RGS3: variants seen among roughly 807,000 people sequenced by gnomAD.
RGS3 encodes the protein regulator of G-protein signalling 3.
A neutral mutation model predicts 132.6 loss-of-function variants in RGS3; 80 were observed. That is an observed-to-expected ratio of 0.60 (90% confidence interval 0.50 to 0.73). RGS3 has a LOEUF of 0.73. Ranked by LOEUF, RGS3 falls within the 30% of genes least tolerant of loss-of-function variation. The pLI, the probability that RGS3 is intolerant of heterozygous loss-of-function variation, is 0.00. For missense variants in RGS3, 1,382 were observed against 1,530.8 expected, an observed-to-expected ratio of 0.90 and a Z score of 1.62; for synonymous variants, 598 against 620.6, an observed-to-expected ratio of 0.96 and a Z score of 0.54.
In RGS3 at chr9:113,514,657, G is replaced by A; in HGVS notation, c.1674+3G>A. 6.2e-7 allele frequency: 1 copy of A among 1,612,986 alleles called. No homozygotes were observed. The highest frequency in any genetic ancestry group is 8.5e-7 in the Non-Finnish European group (1 of 1,179,844). ...TGGTGTTCCCTGTCTTTGTTCAGGT[G>A]AGCCCGTGGCTGGTCTTAAAGGTTC... On this transcript the variant is annotated splice_donor_region_variant and intron_variant, in intron 15 of 24. Coordinates refer to ENST00000350696, the Ensembl canonical transcript of RGS3.
chr9:113,467,666 T>C (rs2119176176), intron 3 of RGS3, among the ~76,000 whole-genome samples: 1 of 152,340 alleles, frequency 6.6e-6, no homozygotes, highest in South Asian at 2.1e-4. Context: ...ATTTTCTCTC[T>C]ATCTGTGGGT....
At chr9:113,479,340 G>A in intron 3 of RGS3, 151 bp from the exon 2 acceptor site, 1 of 772,490 alleles carries the variant, frequency 1.3e-6, no homozygotes, top group Non-Finnish European at 2.3e-6. Flanking sequence ...GAACCCTGTG[G>A]CTTCTGAGGT....
At chr9:113,493,933 C>T (rs1436134224) in intron 7 of RGS3, among the ~76,000 whole-genome samples, 1 of 152,112 alleles carries the variant, frequency 6.6e-6, no homozygotes, top group Non-Finnish European at 1.5e-5. Context: ...AAGCCTGTTC[C>T]ATCTTTGGTT....
intron 1 of RGS3, among the ~76,000 whole-genome samples, chr9:113,454,683 CTTTTTT>C (rs772993021): frequency 8.2e-6 from 1 of 121,282 alleles, no homozygotes; most frequent in Non-Finnish European, 1.7e-5. Context: ...TGCTTTTAAA[CTTTTTT>C]TTTTTTTTTT....
chr9:113,479,889 C>CT (rs1211902257), intron 4 of RGS3, among the ~76,000 whole-genome samples: 1 of 152,124 alleles, frequency 6.6e-6, no homozygotes, highest in Non-Finnish European at 1.5e-5. Context: ...CTTCTTTTCT[C>CT]TATTTTTCTC....
chr9:113,465,646 G>C (rs1829615406), intron 3 of RGS3, among the ~76,000 whole-genome samples: 1 of 152,148 alleles, frequency 6.6e-6, no homozygotes, highest in African/African-American at 2.4e-5. Flanking sequence ...GGAAGCTGAG[G>C]AGGGTTCAGG....
intron 7 of RGS3, among the ~76,000 whole-genome samples, chr9:113,487,484 A>C (rs949835101): frequency 2.6e-5 from 4 of 152,228 alleles, no homozygotes; most frequent in Non-Finnish European, 5.9e-5. Flanking sequence ...AGGAAACTAA[A>C]GTTTAGAGAG....
At chr9:113,541,685 AAGG>A (rs1005995871) in intron 19 of RGS3, 942 of 1,088,348 alleles carry the variant, frequency 8.7e-4, no homozygotes, top group East Asian at 3.7e-3. Context: ...TCTTCCTTCC[AAGG>A]AGGAGGAGGA....
intron 10 of RGS3, among the ~76,000 whole-genome samples, chr9:113,504,071 C>T (rs1421866346): frequency 1.3e-5 from 2 of 152,118 alleles, no homozygotes; most frequent in Non-Finnish European, 2.9e-5. Context: ...GAAGCAGAGC[C>T]TCAGAGGTCC....
chr9:113,521,667 G>A (rs1831963903), intron 16 of RGS3, among the ~76,000 whole-genome samples: 1 of 152,112 alleles, frequency 6.6e-6, no homozygotes, highest in African/African-American at 2.4e-5. Context: ...ATGAATGTTT[G>A]TTATTTTCTT....
chr9:113,518,277 T>C (rs898927712), intron 16 of RGS3, among the ~76,000 whole-genome samples: 30 of 152,064 alleles, frequency 2.0e-4, no homozygotes, highest in African/African-American at 7.0e-4. Context: ...GGCCATGGGG[T>C]GAGGGTAGCA....
chr9:113,496,900 T>C (rs1830702186), intron 8 of RGS3, among the ~76,000 whole-genome samples: 1 of 152,128 alleles, frequency 6.6e-6, no homozygotes, highest in Non-Finnish European at 1.5e-5. Flanking sequence ...AGAAAAGATG[T>C]TCCCCCTGGA....
At chr9:113,451,647 A>C (rs1178429347) in intron 1 of RGS3, among the ~76,000 whole-genome samples, 4 of 151,034 alleles carry the variant, frequency 2.6e-5, no homozygotes, top group Non-Finnish European at 4.4e-5. Flanking sequence ...AAGGCAACAT[A>C]TGCAATTTAT....
rs60192215 is a variant in RGS3 at position 113,447,265 on chromosome 9, GA to G, written c.-13+2353del. Among the ~76,000 whole-genome samples the G allele has an allele frequency of 2.1e-3, 114 of 53,412 alleles. 2 individuals are homozygous for G. The highest frequency in any genetic ancestry group is 5.7e-3 in the East Asian group (8 of 1,410). The allele number at this position is 53,412 out of a possible 152,430, so 35.0% of individuals were successfully genotyped here. The stretch of plus-strand genomic sequence containing the variant: ...CAACAGAGCAAGACTCTGTCTCAAA[GA>G]AAAAAAAAAAAAAAGAAAAATACAG... On this transcript the variant is annotated intron_variant, in intron 1 of 25. Transcript: ENST00000374140.
chr9:113,475,382 A>T (rs1829958344), intron 3 of RGS3, among the ~76,000 whole-genome samples: 1 of 152,114 alleles, frequency 6.6e-6, no homozygotes, highest in Non-Finnish European at 1.5e-5. Context: ...GAGGTGTAGG[A>T]GCAAGAATAT....
At chr9:113,478,336 A>G (rs564863508) in intron 3 of RGS3, among the ~76,000 whole-genome samples, 1 of 151,726 alleles carries the variant, frequency 6.6e-6, no homozygotes, top group Non-Finnish European at 1.5e-5. Context: ...TCGTGGATAT[A>G]TTTGAATTAT....
intron 17 of RGS3, among the ~76,000 whole-genome samples, chr9:113,526,757 A>G (rs1231833592): frequency 6.6e-6 from 1 of 152,168 alleles, no homozygotes; most frequent in African/African-American, 2.4e-5. Context: ...TGCATGGTCC[A>G]TGTATTCCTT....
Position 113,507,438 on chromosome 9 carries a change from G to A in RGS3, c.1237G>A (p.Gly413Arg), listed in dbSNP as rs1238875863. 6.2e-7 allele frequency: 1 copy of A among 1,613,930 alleles called. No individual in the cohort carries two copies. The highest frequency in any genetic ancestry group is 8.5e-7 in the Non-Finnish European group (1 of 1,180,034). Reference sequence around the variant, plus strand: ...CAAACGGGAGAAGAACTGCACCCATGGGGTCCAGGCACGGCCTGAGCAGCG... The same window carrying A: ...CAAACGGGAGAAGAACTGCACCCATAGGGTCCAGGCACGGCCTGAGCAGCG... The change falls in exon 13 of 25, where the codon GGG (glycine) becomes AGG (arginine). Residue 413 changes from glycine (G) to arginine (R), a missense_variant. Coordinates refer to ENST00000350696, the Ensembl canonical transcript of RGS3. This position sits in a 1 kb window ranked among gnomAD's most constrained non-coding sequence, Gnocchi z 5.0.
exon 20 of RGS3, chr9:113,583,846 C>T (rs774023265): frequency 6.8e-6 from 11 of 1,613,884 alleles, no homozygotes; most frequent in African/African-American, 2.7e-5. Context: ...CCGGGACCTT[C>T]CACCCTGTCA....
Sources: gnomAD v4.1 joint callset for allele counts (sites outside exome capture counted in the v4.1 genomes callset) on GRCh38, gnomAD v4.1.1 for gene constraint, Gnocchi (gnomAD v3.1) non-coding constraint, MANE v1.5 for transcripts, NCBI Gene and HGNC (gene_info 2026-07-23, HGNC 2026-07-21) for gene names.